Variants in ATXN10 observed in about 807,000 individuals in gnomAD.
ATXN10 encodes the protein ataxin 10.
In ATXN10, 28 loss-of-function variants were observed where a neutral mutation model predicts 52.9. That is an observed-to-expected ratio of 0.53 (90% CI 0.39 to 0.73). The LOEUF (loss-of-function observed/expected upper bound fraction) is 0.73, where lower values mean the gene tolerates loss of function less well. Ranked by LOEUF, ATXN10 falls within the 30% of genes least tolerant of loss-of-function variation. The pLI, the probability that ATXN10 is intolerant of heterozygous loss-of-function variation, is 0.00. For synonymous variants in ATXN10, 226 were observed against 221.5 expected, an observed-to-expected ratio of 1.02 and a Z score of -0.18; for missense variants, 565 against 577.0, an observed-to-expected ratio of 0.98 and a Z score of 0.21.
Position 45,763,102 on chromosome 22 carries a change from A to G in ATXN10, c.1173+22564A>G, listed in dbSNP as rs1453077406. ...AGGAGGCTGTGGCTACAGCATTTTC[A>G]TCTGGAAGGAGGCCTAGGAAATGAT... is the stretch of plus-strand genomic sequence containing the variant. On this transcript the variant is annotated intron_variant, in intron 9 of 11. Coordinates refer to ENST00000252934, the MANE Select transcript of ATXN10 (RefSeq NM_013236.4). This position sits in a 1 kb window ranked among gnomAD's most constrained non-coding sequence, Gnocchi z 6.9. 3.3e-5 allele frequency among the ~76,000 whole-genome samples: 5 copies of G among 152,164 alleles called. No homozygotes were observed. Among genetic ancestry groups the G allele is most frequent in the Non-Finnish European group, 5.9e-5 (4 of 68,026 alleles).
chr22:45,722,049 G>A (rs769138731), intron 6 of ATXN10, among the ~76,000 whole-genome samples: 3 of 152,184 alleles, frequency 2.0e-5, no homozygotes, highest in Non-Finnish European at 4.4e-5. Context: ...CAAAATTATG[G>A]CAGCATGGCT....
chr22:45,823,507 G>A lies in ATXN10; in HGVS notation c.1237+16485G>A, dbSNP rs1435391763. ...AAACCTTCATTTCACCCTTGGCTCT[G>A]CAGGACCGCCTTGTCATAAATCATT... is the stretch of plus-strand genomic sequence containing the variant. On this transcript the variant is annotated intron_variant, in intron 10 of 11. Transcript: ENST00000252934. This position sits in a 1 kb window ranked among gnomAD's most constrained non-coding sequence, Gnocchi z 4.9. 6.6e-6 allele frequency among the ~76,000 whole-genome samples: 1 copy of A among 152,032 alleles called. No homozygotes were observed. Among genetic ancestry groups the A allele is most frequent in the Non-Finnish European group, 1.5e-5 (1 of 68,010 alleles).
At position 45,842,205 on chromosome 22, in the gene ATXN10, A is replaced by G. The variant is rs1488484411; in HGVS notation, c.1238-786A>G. On this transcript the variant is annotated intron_variant, in intron 10 of 11. Transcript: ENST00000252934. The surrounding 1 kb of genome is among the most constrained non-coding windows in gnomAD (Gnocchi z 4.8). The stretch of plus-strand genomic sequence containing the variant: ...TAGTTTTTGTACAGTCCTTTATAGA[A>G]CTACATATAATAGCTTAATGTTTGC... Among the ~76,000 whole-genome samples, 1 of 152,070 alleles carries G rather than the reference A, an allele frequency of 6.6e-6. No homozygotes were observed. Among genetic ancestry groups the G allele is most frequent in the Non-Finnish European group, 1.5e-5 (1 of 67,988 alleles).
At chr22:45,764,387 A>G (rs892503361) in intron 9 of ATXN10, among the ~76,000 whole-genome samples, 2 of 152,096 alleles carry the variant, frequency 1.3e-5, no homozygotes, top group African/African-American at 4.8e-5. Flanking sequence ...CTTCTGTTCT[A>G]TAAAATGTTT....
rs1294311333 is a variant in ATXN10 at position 45,786,097 on chromosome 22, A to G, written c.1174-20862A>G. On this transcript the variant is annotated intron_variant, in intron 9 of 11. Coordinates refer to ENST00000252934, the MANE Select transcript of ATXN10 (RefSeq NM_013236.4). The surrounding 1 kb of genome is among the most constrained non-coding windows in gnomAD (Gnocchi z 4.1). The stretch of plus-strand genomic sequence containing the variant: ...ATCTGCTAGTTGAATAATTCATGAG[A>G]AAATTGCACTAAATTCAGATGTGAA... Among the ~76,000 whole-genome samples, 2 of 152,224 alleles carry G rather than the reference A, an allele frequency of 1.3e-5. No homozygotes were observed. Among genetic ancestry groups the G allele is most frequent in the Admixed American group, 1.3e-4 (2 of 15,280 alleles).
At chr22:45,709,101 CA>C (rs1456114199) in intron 5 of ATXN10, among the ~76,000 whole-genome samples, 1 of 152,168 alleles carries the variant, frequency 6.6e-6, no homozygotes, top group African/African-American at 2.4e-5. Flanking sequence ...ATTTTATTAT[CA>C]GCTTAAGTGT....
intron 6 of ATXN10, among the ~76,000 whole-genome samples, chr22:45,719,894 A>G (rs899981759): frequency 3.9e-5 from 6 of 152,086 alleles, no homozygotes; most frequent in Non-Finnish European, 7.4e-5. Context: ...GCACATTTCC[A>G]TTAGATTGTT....
chr22:45,714,229 T>G (rs1471978280), intron 5 of ATXN10, among the ~76,000 whole-genome samples: 1 of 152,116 alleles, frequency 6.6e-6, no homozygotes, highest in East Asian at 1.9e-4. Flanking sequence ...TTTTTTTTCT[T>G]TTATGTGTAT....
rs1288429184 is a variant in ATXN10 at position 45,683,183 on chromosome 22, G to C, written c.117-6529G>C. 6.6e-6 allele frequency among the ~76,000 whole-genome samples: 1 copy of C among 152,194 alleles called. No homozygotes were observed. The highest frequency in any genetic ancestry group is 1.9e-4 in the East Asian group (1 of 5,194). On this transcript the variant is annotated intron_variant, in intron 1 of 11. Coordinates refer to ENST00000252934, the MANE Select transcript of ATXN10 (RefSeq NM_013236.4). This position sits in a 1 kb window ranked among gnomAD's most constrained non-coding sequence, Gnocchi z 4.8. ...AAAATACAAAAATTTGTTGGGCATG[G>C]TGGCACATGCCTGAAATTCTACCTA...
At chr22:45,748,526 T>C (rs1453566756) in intron 9 of ATXN10, among the ~76,000 whole-genome samples, 2 of 152,218 alleles carry the variant, frequency 1.3e-5, no homozygotes, top group African/African-American at 4.8e-5. Flanking sequence ...TCTCTTATGT[T>C]ATTATCTAGT....
intron 9 of ATXN10, among the ~76,000 whole-genome samples, chr22:45,747,032 C>T (rs1326071009): frequency 6.6e-6 from 1 of 152,198 alleles, no homozygotes; most frequent in Non-Finnish European, 1.5e-5. Flanking sequence ...ACCACCGTTA[C>T]CACCACTTTT....
chr22:45,738,179 C>T (rs1925373438), intron 7 of ATXN10, among the ~76,000 whole-genome samples: 1 of 152,154 alleles, frequency 6.6e-6, no homozygotes, highest in Non-Finnish European at 1.5e-5. Flanking sequence ...GTAGCATTTT[C>T]AAACAGTACT....
At chr22:45,798,337 T>C (rs1927817123) in intron 9 of ATXN10, among the ~76,000 whole-genome samples, 1 of 152,222 alleles carries the variant, frequency 6.6e-6, no homozygotes, top group African/African-American at 2.4e-5. Context: ...CATGAACCTA[T>C]GATGGTTTAT....
chr22:45,695,261 T>C (rs1923558857), intron 3 of ATXN10, among the ~76,000 whole-genome samples: 1 of 149,794 alleles, frequency 6.7e-6, no homozygotes, highest in Admixed American at 6.7e-5. Flanking sequence ...GAGGCAGAGC[T>C]TGCAGTGAGC....
At chr22:45,767,512 C>G (rs1926627269) in intron 9 of ATXN10, among the ~76,000 whole-genome samples, 1 of 151,714 alleles carries the variant, frequency 6.6e-6, no homozygotes, top group Admixed American at 6.6e-5. Context: ...ACTAAAAACT[C>G]ATTTTAAACA....
At chr22:45,834,335 A>G (rs1184611313) in intron 10 of ATXN10, among the ~76,000 whole-genome samples, 2 of 152,108 alleles carry the variant, frequency 1.3e-5, no homozygotes, top group Non-Finnish European at 1.5e-5. Flanking sequence ...GAGGCCTGAC[A>G]CTTCCCCGGT....
At chr22:45,817,850 C>A (rs182447510) in intron 10 of ATXN10, among the ~76,000 whole-genome samples, 9 of 152,128 alleles carry the variant, frequency 5.9e-5, no homozygotes, top group African/African-American at 1.9e-4. Context: ...GTAAGAGCAG[C>A]CCACCGCCAC....
intron 3 of ATXN10, among the ~76,000 whole-genome samples, chr22:45,693,674 A>G (rs993661317): frequency 6.6e-6 from 1 of 152,168 alleles, no homozygotes; most frequent in Non-Finnish European, 1.5e-5. Flanking sequence ...CTAACCCCCA[A>G]TACCCAGAAT....
At chr22:45,735,812 C>CTTTTTTTT (rs746222703) in intron 7 of ATXN10, among the ~76,000 whole-genome samples, 13 of 65,810 alleles carry the variant, frequency 2.0e-4, no homozygotes, top group Admixed American at 4.1e-4. Flanking sequence ...ATTTGCTTGT[C>CTTTTTTTT]TTTTTTTTTT....
Sources: allele counts gnomAD v4.1 joint callset (sites outside exome capture counted in the v4.1 genomes callset), GRCh38; gene constraint gnomAD v4.1.1; non-coding constraint Gnocchi (gnomAD v3.1); transcripts MANE v1.5; gene names NCBI Gene and HGNC (gene_info 2026-07-23, HGNC 2026-07-21).